NUGGC: variants seen among roughly 807,000 people sequenced by gnomAD.
The protein encoded by NUGGC is nuclear GTPase SLIP-GC.
NUGGC carries 58 observed loss-of-function variants against 92.6 expected under a neutral mutation model. The observed-to-expected ratio is 0.63, with a 90% CI of 0.51 to 0.78. The LOEUF (loss-of-function observed/expected upper bound fraction) is 0.78. NUGGC is among the 30% of genes least tolerant of loss of function. The pLI, the probability that NUGGC is intolerant of heterozygous loss-of-function variation, is 0.00. For synonymous variants in NUGGC, 376 were observed against 366.4 expected (o/e 1.03, Z -0.30); for missense variants, 925 against 964.6 (o/e 0.96, Z 0.54).
rs1222169886 is a variant in NUGGC at position 28,045,523 on chromosome 8, A to C, written c.1446+4T>G. 1.2e-6 allele frequency: 2 copies of C among 1,611,694 alleles called. No individual in the cohort carries two copies. ...AGAATATGAAAACCCAGTGTCTTCC[A>C]TACCGGCAGGTTTTGCGTGGAGTTG... is the stretch of plus-strand genomic sequence containing the variant. On this transcript the variant is annotated splice_donor_region_variant and intron_variant, in intron 12 of 18. Transcript: ENST00000413272.
chr8:28,035,776 A>G (rs1303994320), intron 13 of NUGGC, among the ~76,000 whole-genome samples: 1 of 152,224 alleles, frequency 6.6e-6, no homozygotes, highest in African/African-American at 2.4e-5. Flanking sequence ...TGCCTAGCAC[A>G]GTCACCAATG....
chr8:28,027,121 A>G, intron 17 of NUGGC, 69 bp from the exon 18 acceptor site: 1 of 1,256,698 alleles, frequency 8.0e-7, no homozygotes. Flanking sequence ...TATAAAAGGG[A>G]CCCCACCCAG....
chr8:28,068,305 C>T lies in NUGGC; in HGVS notation c.391G>A (p.Gly131Arg). 4 of 1,554,378 alleles carry T rather than the reference C, an allele frequency of 2.6e-6. No individual in the cohort carries two copies. Among genetic ancestry groups the T allele is most frequent in the Non-Finnish European group, 3.5e-6 (4 of 1,148,714 alleles). The stretch of plus-strand genomic sequence containing the variant: ...ATGCAGGAAGTACATATGCTTTCTC[C>T]AGACACTGGTAGAAACATTGCTTGC... Reference protein sequence around the residue: ...IQQAMFLPVSGESICTSCIVQ... With the variant: ...IQQAMFLPVSRESICTSCIVQ... Residue 131 changes from glycine (G) to arginine (R), a missense_variant, in exon 5 of 19, where the codon GGA (glycine) becomes AGA (arginine). Transcript: ENST00000413272.
chr8:28,061,141 T>G (rs1302102849), intron 7 of NUGGC, among the ~76,000 whole-genome samples: 1 of 152,196 alleles, frequency 6.6e-6, no homozygotes, highest in Non-Finnish European at 1.5e-5. Flanking sequence ...AAATTCTTGT[T>G]TTTCCAGAAC....
intron 10 of NUGGC, 151 bp downstream of exon 10, chr8:28,055,814 C>G: frequency 1.8e-6 from 1 of 547,600 alleles, no homozygotes. Flanking sequence ...GCCTGGCCAA[C>G]AGAGTGAGAC....
intron 13 of NUGGC, among the ~76,000 whole-genome samples, chr8:28,038,401 G>A (rs975041791): frequency 6.6e-6 from 1 of 152,124 alleles, no homozygotes; most frequent in Non-Finnish European, 1.5e-5. Flanking sequence ...TGAGTGCGTT[G>A]GTCAACCCAG....
At chr8:28,037,399 A>G (rs1809582351) in intron 13 of NUGGC, among the ~76,000 whole-genome samples, 1 of 152,012 alleles carries the variant, frequency 6.6e-6, no homozygotes. Flanking sequence ...TCCTCCCCTG[A>G]AATGCCTTCC....
In NUGGC at chr8:28,037,755, G is replaced by A. The variant is rs75703790; in HGVS notation, c.1611+3296C>T. Reference sequence around the variant, plus strand: ...GGTTTCTAAAAAAAGTTCACTCTTCGGAAAGCAGGCCCGGAAATGGCTATC... The same window carrying A: ...GGTTTCTAAAAAAAGTTCACTCTTCAGAAAGCAGGCCCGGAAATGGCTATC... On this transcript the variant is annotated intron_variant, in intron 13 of 18. Transcript: ENST00000413272. 8.8e-3 allele frequency among the ~76,000 whole-genome samples: 1,340 copies of A among 152,234 alleles called. 16 individuals carry two copies. The highest frequency in any genetic ancestry group is 0.03 in the African/African-American group (1,254 of 41,526).
intron 1 of NUGGC, among the ~76,000 whole-genome samples, chr8:28,076,384 C>T (rs1411387591): frequency 6.6e-6 from 1 of 152,174 alleles, no homozygotes; most frequent in Non-Finnish European, 1.5e-5. Context: ...CTACAACCTC[C>T]ACCTCCTGGG....
At chr8:28,030,245 G>T in intron 16 of NUGGC, 65 bp downstream of exon 16, 1 of 866,608 alleles carries the variant, frequency 1.2e-6, no homozygotes, top group Non-Finnish European at 1.9e-6. Context: ...CCGCAGAAAA[G>T]GATGCGAAAG....
intron 8 of NUGGC, 44 bp downstream of exon 8, chr8:28,060,382 A>T (rs1178440840): frequency 6.3e-7 from 1 of 1,583,886 alleles, no homozygotes; most frequent in South Asian, 1.1e-5. Flanking sequence ...CACAGAGGAA[A>T]GCCCCTGACT....
chr8:28,047,734 C>T, intron 10 of NUGGC, 122 bp from the exon 11 acceptor site: 1 of 590,554 alleles, frequency 1.7e-6, no homozygotes. Flanking sequence ...CTCCATGACC[C>T]TCTCTGGGAA....
chr8:28,076,016 T>C (rs978841320), intron 1 of NUGGC, among the ~76,000 whole-genome samples: 1 of 152,226 alleles, frequency 6.6e-6, no homozygotes, highest in African/African-American at 2.4e-5. Context: ...TGTTCTAGTG[T>C]TTCCTCTGTG....
rs759541966 is a variant in NUGGC, at chr8:28,041,057, G to C, written c.1605C>G (p.Cys535Trp). 15 of 1,602,332 alleles carry C rather than the reference G, an allele frequency of 9.4e-6. No individual in the cohort carries two copies. Among genetic ancestry groups the C allele is most frequent in the Non-Finnish European group, 1.2e-5 (14 of 1,174,594 alleles). ...CCCTGGAAGGGTCACTCACCACCAA[G>C]CATGCTCTGAGGATGCAGCGGTAAG... is the stretch of plus-strand genomic sequence containing the variant. ...RTSYRCILRA[C>W]LVRSKGNQGF... Residue 535 changes from cysteine (C) to tryptophan (W), a missense_variant, in exon 13 of 19, where the codon TGC becomes TGG. Coordinates refer to ENST00000413272, the MANE Select transcript of NUGGC (RefSeq NM_001010906.2).
chr8:28,078,575 T>G (rs1450829011), intron 1 of NUGGC, among the ~76,000 whole-genome samples: 2 of 152,210 alleles, frequency 1.3e-5, no homozygotes, highest in Admixed American at 1.3e-4. Context: ...TTCCCATGTG[T>G]AAGGCAAAGA....
intron 18 of NUGGC, among the ~76,000 whole-genome samples, chr8:28,023,849 T>G (rs942859149): frequency 2.0e-5 from 3 of 152,164 alleles, no homozygotes; most frequent in African/African-American, 7.2e-5. Flanking sequence ...GTTCTCTTTC[T>G]GGCATCTCAG....
At chr8:28,054,144 G>T (rs1038483362) in intron 10 of NUGGC, among the ~76,000 whole-genome samples, 6 of 152,102 alleles carry the variant, frequency 3.9e-5, no homozygotes, top group Non-Finnish European at 8.8e-5. Context: ...ATGTTGTGTT[G>T]TTTATATTTT....
At chr8:28,026,781 TCA>T (rs1809272760) in intron 18 of NUGGC, among the ~76,000 whole-genome samples, 179 bp downstream of exon 18, 5 of 152,040 alleles carry the variant, frequency 3.3e-5, no homozygotes, top group Non-Finnish European at 7.4e-5. Flanking sequence ...ATCATCATCA[TCA>T]TCATCATCAT....
intron 13 of NUGGC, among the ~76,000 whole-genome samples, chr8:28,034,640 AC>A (rs1809509707): frequency 6.6e-6 from 1 of 151,912 alleles, no homozygotes. Context: ...ACATGGTGAA[AC>A]CCCCATCTCT....
Sources: gnomAD v4.1 joint callset for allele counts (sites outside exome capture counted in the v4.1 genomes callset) on GRCh38, gnomAD v4.1.1 for gene constraint, MANE v1.5 for transcripts, NCBI Gene and HGNC (gene_info 2026-07-23, HGNC 2026-07-21) for gene names.